The following MAN1C1 variants were observed in gnomAD, a reference collection of about 807,000 sequenced individuals.
MAN1C1 encodes the protein mannosyl-oligosaccharide 1,2-alpha-mannosidase IC.
A neutral mutation model predicts 71.5 loss-of-function variants in MAN1C1; 49 were observed. The observed-to-expected ratio is 0.69, with a 90% CI of 0.54 to 0.87. The LOEUF (loss-of-function observed/expected upper bound fraction) is 0.87. Among genes scored for constraint, MAN1C1 ranks in the 40% least tolerant of loss-of-function variants. MAN1C1 has a pLI of 0.00. For missense variants in MAN1C1, 743 were observed against 835.0 expected, an observed-to-expected ratio of 0.89 and a Z score of 1.36; for synonymous variants, 352 against 343.7, an observed-to-expected ratio of 1.02 and a Z score of -0.27.
chr1:25,752,197 T>C (rs1465654695), intron 4 of MAN1C1, among the ~76,000 whole-genome samples: 1 of 152,096 alleles, frequency 6.6e-6, no homozygotes, highest in Non-Finnish European at 1.5e-5. Flanking sequence ...GTACATTCAT[T>C]TCTCTACATC....
intron 6 of MAN1C1, 53 bp from the exon 7 acceptor site, chr1:25,763,821 C>T: frequency 6.9e-7 from 1 of 1,440,380 alleles, no homozygotes; most frequent in Non-Finnish European, 9.8e-7. Flanking sequence ...AGGCTGGGTG[C>T]AGTCGGCTTC....
rs1190029643 is a variant in MAN1C1, at chr1:25,711,009, G to A, written c.637+24473G>A. 6.6e-6 allele frequency among the ~76,000 whole-genome samples: 1 copy of A among 152,140 alleles called. No homozygotes were observed. Among genetic ancestry groups the A allele is most frequent in the East Asian group, 1.9e-4 (1 of 5,198 alleles). On this transcript the variant is annotated intron_variant, in intron 2 of 11. Transcript: ENST00000374332. The surrounding 1 kb of genome is among the most constrained non-coding windows in gnomAD (Gnocchi z 4.3). ...GTAACAAACCACCCTGAAACTTAATGGCTTAAACAAAGACCATTTATTATT... is the reference window on the plus strand; with the variant it reads ...GTAACAAACCACCCTGAAACTTAATAGCTTAAACAAAGACCATTTATTATT...
rs2047394034 is a variant in MAN1C1 at position 25,763,891 on chromosome 1, G to A, written c.1065G>A (p.Lys355=). The change falls in exon 7 of 12, where the codon AAG becomes AAA. Residue 355 remains lysine, a synonymous_variant. Coordinates refer to ENST00000374332, the MANE Select transcript of MAN1C1 (RefSeq NM_020379.4). ...VFAEKVRNIR[K]VLRKIEKPFG... ...CTCGGCAGGTCAGGAACATCCGCAA[G>A]GTCCTCAGGAAGATCGAAAAGCCCT... is the stretch of plus-strand genomic sequence containing the variant. 6.2e-7 allele frequency: 1 copy of A among 1,613,860 alleles called. No homozygotes were observed. Among genetic ancestry groups the A allele is most frequent in the Non-Finnish European group, 8.5e-7 (1 of 1,180,004 alleles).
In MAN1C1 at chr1:25,647,294, G is replaced by A. The variant is rs6656402; in HGVS notation, c.540+28957G>A. The stretch of plus-strand genomic sequence containing the variant: ...TGTGGTGGGAAGCCAGGGGACTAGG[G>A]TGGTGAAAGGCTGCATGGGAGCTTG... On this transcript the variant is annotated intron_variant, in intron 1 of 11. Coordinates refer to ENST00000374332, the MANE Select transcript of MAN1C1 (RefSeq NM_020379.4). 3.0e-3 allele frequency among the ~76,000 whole-genome samples: 451 copies of A among 152,310 alleles called. 4 individuals carry two copies. Among genetic ancestry groups the A allele is most frequent in the African/African-American group, 0.01 (434 of 41,562 alleles).
At chr1:25,640,727 T>TA (rs1477460663) in intron 1 of MAN1C1, among the ~76,000 whole-genome samples, 1 of 152,184 alleles carries the variant, frequency 6.6e-6, no homozygotes, top group African/African-American at 2.4e-5. Flanking sequence ...TTTGTGTGTA[T>TA]AATTAAGTGA....
intron 6 of MAN1C1, 67 bp from the exon 7 acceptor site, chr1:25,763,807 C>T (rs1391013020): frequency 2.3e-6 from 3 of 1,301,642 alleles, no homozygotes; most frequent in Non-Finnish European, 3.3e-6. Context: ...CTCCCATCCT[C>T]AGCAGGCTGG....
intron 2 of MAN1C1, among the ~76,000 whole-genome samples, chr1:25,718,193 T>C (rs939241528): frequency 2.6e-5 from 4 of 152,216 alleles, no homozygotes; most frequent in African/African-American, 9.6e-5. Flanking sequence ...ATAATCGTCG[T>C]GTTTGTTTGA....
At chr1:25,750,931 G>A (rs1169694049) in intron 4 of MAN1C1, among the ~76,000 whole-genome samples, 1 of 152,180 alleles carries the variant, frequency 6.6e-6, no homozygotes, top group African/African-American at 2.4e-5. Context: ...TCAGGAAAGA[G>A]TTGGTGGCTG....
intron 1 of MAN1C1, among the ~76,000 whole-genome samples, chr1:25,650,511 G>A (rs1326143836): frequency 2.6e-5 from 4 of 152,212 alleles, no homozygotes; most frequent in Non-Finnish European, 5.9e-5. Flanking sequence ...TTGGGGTCCT[G>A]TTTGGGGAGC....
intron 1 of MAN1C1, chr1:25,654,495 C>T (rs1490012872): frequency 1.3e-5 from 2 of 152,282 alleles, no homozygotes; most frequent in East Asian, 1.9e-4. Flanking sequence ...CAGGACTTAG[C>T]TGTTGCCGAA....
At chr1:25,675,830 C>G (rs759970513) in intron 1 of MAN1C1, among the ~76,000 whole-genome samples, 21 of 152,146 alleles carry the variant, frequency 1.4e-4, no homozygotes, top group Non-Finnish European at 2.4e-4. Context: ...TAGGGTTATT[C>G]TAAGGATTAA....
intron 1 of MAN1C1, among the ~76,000 whole-genome samples, chr1:25,675,053 G>A: frequency 6.6e-6 from 1 of 152,144 alleles, no homozygotes. Flanking sequence ...TAGGATAGCA[G>A]TATCCTGTGG....
intron 1 of MAN1C1, among the ~76,000 whole-genome samples, chr1:25,646,740 T>G (rs2045620275): frequency 6.6e-6 from 1 of 152,208 alleles, no homozygotes; most frequent in Admixed American, 6.5e-5. Context: ...TGTGTTGTAG[T>G]GTGTGCGAGA....
At chr1:25,677,394 C>T (rs2046083871) in intron 1 of MAN1C1, among the ~76,000 whole-genome samples, 1 of 149,484 alleles carries the variant, frequency 6.7e-6, no homozygotes, top group East Asian at 2.0e-4. Flanking sequence ...CTAGAGCCAC[C>T]CTCTATCTCT....
At chr1:25,681,452 T>A (rs78394455) in intron 1 of MAN1C1, among the ~76,000 whole-genome samples, 2,185 of 152,116 alleles carry the variant, frequency 0.014, 25 homozygotes, top group Non-Finnish European at 0.026. Flanking sequence ...CATTCCACAC[T>A]CCAGAAGGAA....
intron 7 of MAN1C1, among the ~76,000 whole-genome samples, chr1:25,768,545 A>T (rs2047491766): frequency 1.5e-5 from 1 of 65,332 alleles, no homozygotes; most frequent in African/African-American, 5.7e-5. Context: ...CCTCACACAC[A>T]CCACACACAC....
At chr1:25,633,753 G>A (rs867501301) in intron 1 of MAN1C1, among the ~76,000 whole-genome samples, 3 of 152,224 alleles carry the variant, frequency 2.0e-5, no homozygotes, top group Non-Finnish European at 2.9e-5. Context: ...TTTAAGTGGA[G>A]CATTTAGGCC....
chr1:25,676,021 G>A (rs534060895), intron 1 of MAN1C1, among the ~76,000 whole-genome samples: 2 of 152,256 alleles, frequency 1.3e-5, no homozygotes, highest in African/African-American at 2.4e-5. Flanking sequence ...TGGGAGAGTG[G>A]AACTGAGGTA....
intron 4 of MAN1C1, among the ~76,000 whole-genome samples, chr1:25,750,146 T>G (rs530641793): frequency 2.9e-4 from 44 of 152,312 alleles, no homozygotes; most frequent in African/African-American, 1.1e-3. Context: ...TGATACCCCT[T>G]CGCTCAAAGA....
Sources: gnomAD v4.1 joint callset for allele counts (sites outside exome capture counted in the v4.1 genomes callset) on GRCh38, gnomAD v4.1.1 for gene constraint, Gnocchi (gnomAD v3.1) non-coding constraint, MANE v1.5 for transcripts, NCBI Gene and HGNC (gene_info 2026-07-23, HGNC 2026-07-21) for gene names.